KCNT2: variants seen among roughly 807,000 people sequenced by gnomAD.
KCNT2 encodes the protein potassium channel subfamily T member 2.
A neutral mutation model predicts 153.8 loss-of-function variants in KCNT2; 67 were observed. The ratio of observed to expected loss-of-function variants is 0.44; its 90% CI spans 0.36 to 0.53. The LOEUF is 0.53. KCNT2 is among the 20% of genes least tolerant of loss of function. The pLI is 0.00. For synonymous variants in KCNT2, 500 were observed against 458.8 expected (o/e 1.09, Z -1.15); for missense variants, 975 against 1,354.8 (o/e 0.72, Z 4.40).
intron 1 of KCNT2, among the ~76,000 whole-genome samples, chr1:196,592,942 TA>T (rs1663560977): frequency 6.6e-6 from 1 of 150,692 alleles, no homozygotes; most frequent in African/African-American, 2.4e-5. Context: ...TTTATTTCCA[TA>T]AAATGTGGGG....
chr1:196,260,919 C>A lies in KCNT2; in HGVS notation c.2911-2425G>T, dbSNP rs1656957835. On this transcript the variant is annotated intron_variant, in intron 25 of 27. Coordinates refer to ENST00000294725, the MANE Select transcript of KCNT2 (RefSeq NM_198503.5). ...AAAACATCTGTCAACTGTAAACTTT[C>A]ACATATAACAATAATATCATTAATA... Among the ~76,000 whole-genome samples the A allele has an allele frequency of 1.3e-5, 2 of 151,746 alleles. 1 individual carries two copies. Among genetic ancestry groups the A allele is most frequent in the South Asian group, 4.1e-4 (2 of 4,830 alleles).
intron 14 of KCNT2, among the ~76,000 whole-genome samples, chr1:196,371,203 G>A (rs1464387113): frequency 2.1e-5 from 2 of 96,012 alleles, no homozygotes; most frequent in African/African-American, 9.7e-5. Flanking sequence ...GGGCAACATG[G>A]CAAAATCCCG....
chr1:196,439,598 A>T (rs550234990), intron 8 of KCNT2, among the ~76,000 whole-genome samples: 1 of 152,152 alleles, frequency 6.6e-6, no homozygotes, highest in East Asian at 1.9e-4. Flanking sequence ...GACATAAAGT[A>T]AGAAATACTA....
rs1653493049 is a variant in KCNT2 at position 196,226,393 on chromosome 1, ATG to A, written c.*1829_*1830del. ...TCAGTTTTTAACAATTTATATGTGA[ATG>A]TGTGTGTCAAATATATTTCACGTTT... is the stretch of plus-strand genomic sequence containing the variant. On this transcript the variant is annotated 3_prime_UTR_variant, in exon 28 of 28. Coordinates refer to ENST00000294725, the MANE Select transcript of KCNT2 (RefSeq NM_198503.5). 6.6e-6 allele frequency: 1 copy of A among 152,008 alleles called. No individual in the cohort carries two copies. Among genetic ancestry groups the A allele is most frequent in the Non-Finnish European group, 1.5e-5 (1 of 67,872 alleles). 9.4% of individuals were successfully genotyped at this position (152,008 alleles called of 1,614,324 possible).
At chr1:196,321,588 G>C (rs909346930) in intron 19 of KCNT2, among the ~76,000 whole-genome samples, 1 of 151,862 alleles carries the variant, frequency 6.6e-6, no homozygotes, top group African/African-American at 2.4e-5. Context: ...CTTGGAAATT[G>C]CTTTAACATC....
chr1:196,513,315 T>A (rs528829464), intron 1 of KCNT2, among the ~76,000 whole-genome samples: 1 of 152,186 alleles, frequency 6.6e-6, no homozygotes, highest in South Asian at 2.1e-4. Flanking sequence ...CCTGTTAGCA[T>A]CCAAAGTTGA....
intron 1 of KCNT2, among the ~76,000 whole-genome samples, chr1:196,591,264 G>A (rs1034794496): frequency 7.2e-5 from 11 of 151,994 alleles, no homozygotes; most frequent in South Asian, 6.2e-4. Flanking sequence ...TGAGACATTC[G>A]AGCTCCCCTC....
chr1:196,231,389 G>A (rs968711068), intron 27 of KCNT2, among the ~76,000 whole-genome samples: 5 of 151,746 alleles, frequency 3.3e-5, no homozygotes, highest in African/African-American at 1.2e-4. Flanking sequence ...TATCTTTAGT[G>A]ACTGCTTCTT....
intron 26 of KCNT2, among the ~76,000 whole-genome samples, chr1:196,253,494 G>A (rs2102306854): frequency 6.6e-6 from 1 of 151,508 alleles, no homozygotes; most frequent in Admixed American, 6.6e-5. Flanking sequence ...TTTAAGATCT[G>A]TGTTTTCCGA....
At chr1:196,276,902 A>G (rs142120252) in intron 25 of KCNT2, among the ~76,000 whole-genome samples, 1 of 152,010 alleles carries the variant, frequency 6.6e-6, no homozygotes, top group East Asian at 1.9e-4. Flanking sequence ...AGATTTTAGG[A>G]TCCCCTCCTT....
At position 196,501,707 on chromosome 1, in the gene KCNT2, A is replaced by G. The variant is rs1476325158; in HGVS notation, c.96-9366T>C. 3.3e-5 allele frequency among the ~76,000 whole-genome samples: 5 copies of G among 152,340 alleles called. No individual in the cohort carries two copies. In the East Asian group the frequency reaches 9.6e-4, roughly 29 times the overall value. ...GATTTCACTACAACACAATATACCC[A>G]TTCAAGAAAACTACACTTGTTCCTC... On this transcript the variant is annotated intron_variant, in intron 1 of 27. Coordinates refer to ENST00000294725, the MANE Select transcript of KCNT2 (RefSeq NM_198503.5).
At chr1:196,508,149 C>T (rs1435873176) in intron 1 of KCNT2, among the ~76,000 whole-genome samples, 1 of 75,512 alleles carries the variant, frequency 1.3e-5, no homozygotes, top group African/African-American at 5.6e-5. Context: ...AAAGAAGCAG[C>T]ATTAAATAAA....
At chr1:196,296,936 G>GA (rs1038316770) in intron 22 of KCNT2, among the ~76,000 whole-genome samples, 7 of 151,788 alleles carry the variant, frequency 4.6e-5, no homozygotes, top group Non-Finnish European at 8.8e-5. Flanking sequence ...TAATAAGCAA[G>GA]AAAAAAATCA....
intron 1 of KCNT2, among the ~76,000 whole-genome samples, chr1:196,552,903 C>A (rs1658124263): frequency 1.3e-5 from 2 of 150,624 alleles, no homozygotes; most frequent in African/African-American, 4.9e-5. Context: ...CACCTCAAAT[C>A]AGAAAACATA....
At chr1:196,473,046 C>G (rs1678231309) in intron 5 of KCNT2, among the ~76,000 whole-genome samples, 1 of 152,174 alleles carries the variant, frequency 6.6e-6, no homozygotes, top group East Asian at 1.9e-4. Flanking sequence ...AAAGATCATT[C>G]CTTCCATGGA....
intron 23 of KCNT2, among the ~76,000 whole-genome samples, 163 bp downstream of exon 23, chr1:196,285,494 G>A (rs139473864): frequency 1.9e-4 from 29 of 152,106 alleles, no homozygotes; most frequent in African/African-American, 6.7e-4. Flanking sequence ...TGTTTCATAG[G>A]AGCATTTATG....
chr1:196,257,399 C>T (rs1179833994), intron 26 of KCNT2: 1 of 973,340 alleles, frequency 1.0e-6, no homozygotes, highest in African/African-American at 1.8e-5. Flanking sequence ...ATATGGAATA[C>T]CTTCTATTTG....
chr1:196,421,845 GT>G (rs1441973311), intron 12 of KCNT2, among the ~76,000 whole-genome samples: 1 of 151,946 alleles, frequency 6.6e-6, no homozygotes, highest in African/African-American at 2.4e-5. Context: ...GGAAGGATCT[GT>G]TCCAGACCTC....
chr1:196,345,318 T>C (rs977970760), intron 14 of KCNT2, among the ~76,000 whole-genome samples: 1 of 152,074 alleles, frequency 6.6e-6, no homozygotes, highest in African/African-American at 2.4e-5. Context: ...GATATTTGAG[T>C]AAAAATCTTG....
Sources: gnomAD v4.1 joint callset for allele counts (sites outside exome capture counted in the v4.1 genomes callset) on GRCh38, gnomAD v4.1.1 for gene constraint, MANE v1.5 for transcripts, NCBI Gene and HGNC (gene_info 2026-07-23, HGNC 2026-07-21) for gene names.